Variants in LRAT observed in about 807,000 individuals in gnomAD.
LRAT encodes the protein lecithin retinol acyltransferase (phosphatidylcholine--retinol O-acyltransferase).
Under a neutral mutation model 14.2 loss-of-function variants are expected in LRAT, and 11 were observed. That is an observed-to-expected ratio of 0.78 (90% CI 0.49 to 1.29). The LOEUF is 1.29. LRAT is among the 50% of genes most tolerant of loss of function. The pLI is 0.00. For synonymous variants in LRAT, 144 were observed against 124.8 expected (o/e 1.15, Z -1.03); for missense variants, 274 against 292.4 (o/e 0.94, Z 0.46).
intron 2 of LRAT, among the ~76,000 whole-genome samples, chr4:154,747,892 G>T (rs1732913026): frequency 6.6e-6 from 1 of 152,048 alleles, no homozygotes; most frequent in South Asian, 2.1e-4. Context: ...GTAAAAGTAT[G>T]GATAGAGATA....
rs1251855099 is a variant in LRAT at position 154,751,580 on chromosome 4, C to T, written c.*2444C>T. 1 of 151,852 alleles carries T rather than the reference C, an allele frequency of 6.6e-6. No homozygotes were observed. The highest frequency in any genetic ancestry group is 1.5e-5 in the Non-Finnish European group (1 of 68,186). 9.4% of individuals were successfully genotyped at this position (151,852 alleles called of 1,614,324 possible). On this transcript the variant is annotated 3_prime_UTR_variant, in exon 3 of 3. Transcript: ENST00000336356. Reference sequence around the variant, plus strand: ...TGAAACCCCATCTCTACTAAAAATACAAAATTAGCTGGGCGTGGTGGCCGG... The same window carrying T: ...TGAAACCCCATCTCTACTAAAAATATAAAATTAGCTGGGCGTGGTGGCCGG...
Position 154,752,933 on chromosome 4 carries a change from G to A in LRAT, c.*3797G>A, listed in dbSNP as rs188122902. Reference sequence around the variant, plus strand: ...ACTGTTAATGTCAAATATCAAAAATGTTTTCCAGCAATATCAAGTTATGGC... The same window carrying A: ...ACTGTTAATGTCAAATATCAAAAATATTTTCCAGCAATATCAAGTTATGGC... On this transcript the variant is annotated 3_prime_UTR_variant, in exon 3 of 3. Coordinates refer to ENST00000336356, the MANE Select transcript of LRAT (RefSeq NM_004744.5). 1.1e-4 allele frequency: 17 copies of A among 152,152 alleles called. No individual in the cohort carries two copies. The highest frequency in any genetic ancestry group is 2.9e-5 in the Non-Finnish European group (2 of 68,000). 9.4% of individuals were successfully genotyped at this position (152,152 alleles called of 1,614,324 possible). A position where few individuals can be genotyped will look rare whatever the true frequency, so the allele number is the denominator to read the frequency against.
At chr4:154,742,295 G>A (rs1578858285), upstream of LRAT, among the ~76,000 whole-genome samples, 2 of 152,218 alleles carry the variant, frequency 1.3e-5, no homozygotes, top group East Asian at 3.9e-4. Flanking sequence ...CTCGTTTGTG[G>A]GAGTTTTCTC....
rs1733021165 is a variant in LRAT, at chr4:154,752,646, A to T, written c.*3510A>T. On this transcript the variant is annotated 3_prime_UTR_variant, in exon 3 of 3. Transcript: ENST00000336356. Reference sequence around the variant, plus strand: ...GAAAGGTTGTTTAGGAAGAGTCAACAGACTTTAGCAAAATCCTTTTATTTG... The same window carrying T: ...GAAAGGTTGTTTAGGAAGAGTCAACTGACTTTAGCAAAATCCTTTTATTTG... 1 of 152,224 alleles carries T rather than the reference A, an allele frequency of 6.6e-6. No individual in the cohort carries two copies. Among genetic ancestry groups the T allele is most frequent in the East Asian group, 1.9e-4 (1 of 5,194 alleles). The allele number at this position is 152,224 out of a possible 1,614,324, so 9.4% of individuals were successfully genotyped here.
At position 154,750,176 on chromosome 4, in the gene LRAT, T is replaced by C. The variant is rs1055627086; in HGVS notation, c.*1040T>C. On this transcript the variant is annotated 3_prime_UTR_variant, in exon 3 of 3. Coordinates refer to ENST00000336356, the MANE Select transcript of LRAT (RefSeq NM_004744.5). ...AAATTTTTAAAAGCCTTCAGATTTG[T>C]TTTCTAGTCACTTTTTTCCATATCA... 1.3e-5 allele frequency: 2 copies of C among 152,158 alleles called. No individual in the cohort carries two copies. The highest frequency in any genetic ancestry group is 4.8e-5 in the African/African-American group (2 of 41,458). The allele number at this position is 152,158 out of a possible 1,614,324, so 9.4% of individuals were successfully genotyped here.
chr4:154,748,690 T>G (rs1021974722), intron 2 of LRAT, among the ~76,000 whole-genome samples: 39 of 152,270 alleles, frequency 2.6e-4, no homozygotes, highest in African/African-American at 9.4e-4. Flanking sequence ...GTTTGATGTT[T>G]TAAACCTTTA....
At chr4:154,742,055 G>A (rs1159616294), upstream of LRAT, among the ~76,000 whole-genome samples, 1 of 152,080 alleles carries the variant, frequency 6.6e-6, no homozygotes, top group African/African-American at 2.4e-5. Flanking sequence ...CAGAGTGTGA[G>A]GTCGGGTCTG....
chr4:154,748,872 T>C (rs114847306), intron 2 of LRAT, 112 bp from the exon 3 acceptor site: 11,880 of 1,009,322 alleles, frequency 0.012, 144 homozygotes, highest in Middle Eastern at 0.022. Flanking sequence ...AGAAAAAGTC[T>C]AGTTCTTCTG....
intron 2 of LRAT, among the ~76,000 whole-genome samples, chr4:154,745,146 G>C (rs1364291518): frequency 6.7e-6 from 1 of 149,562 alleles, no homozygotes; most frequent in Non-Finnish European, 1.5e-5. Flanking sequence ...AGCCTCCTGA[G>C]TAGCTGGGAC....
chr4:154,748,873 A>T, intron 2 of LRAT, 111 bp from the exon 3 acceptor site: 2 of 1,015,420 alleles, frequency 2.0e-6, no homozygotes, highest in Non-Finnish European at 3.0e-6. Context: ...GAAAAAGTCT[A>T]GTTCTTCTGG....
upstream of LRAT, among the ~76,000 whole-genome samples, chr4:154,743,290 A>C (rs1732804503): frequency 1.3e-5 from 2 of 151,542 alleles, no homozygotes; most frequent in Admixed American, 6.6e-5. Flanking sequence ...GTTCGAGACC[A>C]GCCTGGCCAA....
chr4:154,743,116 A>ACCCCCCCCACCCCCCCCCCCC (rs1477429382), upstream of LRAT, among the ~76,000 whole-genome samples: 1 of 13,722 alleles, frequency 7.3e-5, no homozygotes, highest in Non-Finnish European at 1.3e-4. Flanking sequence ...GCGGGTAGCG[A>ACCCCCCCCACCCCCCCCCCCC]CCCCCCCAAC....
chr4:154,741,690 A>G (rs1578857899), upstream of LRAT, among the ~76,000 whole-genome samples: 1 of 152,330 alleles, frequency 6.6e-6, no homozygotes, highest in Middle Eastern at 3.4e-3. Context: ...ATGAAACGCA[A>G]ATCAGCTTGG....
At chr4:154,743,697 G>A (rs1327347415), upstream of LRAT, among the ~76,000 whole-genome samples, 2 of 151,828 alleles carry the variant, frequency 1.3e-5, no homozygotes, top group African/African-American at 2.4e-5. Context: ...CCAGGAACTC[G>A]CCCCAGTCCC....
Position 154,744,145 on chromosome 4 carries a change from G to T in LRAT, c.-79G>T, listed in dbSNP as rs372760644. ...CCATTGTGGCTTGGCTGAGCCGGTCGCCAGGCCTCGCTGTCCTCCTTTGCC... is the reference window on the plus strand; with the variant it reads ...CCATTGTGGCTTGGCTGAGCCGGTCTCCAGGCCTCGCTGTCCTCCTTTGCC... On this transcript the variant is annotated 5_prime_UTR_variant, in exon 1 of 3. Coordinates refer to ENST00000336356, the MANE Select transcript of LRAT (RefSeq NM_004744.5). The T allele has an allele frequency of 1.7e-4, 108 of 637,474 alleles. No individual in the cohort carries two copies. In the African/African-American group the frequency reaches 1.8e-3, roughly 11 times the overall value. The allele number at this position is 637,474 out of a possible 1,614,324, so 39.5% of individuals were successfully genotyped here. A position where few individuals can be genotyped will look rare whatever the true frequency, so the allele number is the denominator to read the frequency against.
chr4:154,744,341 G>C lies in LRAT; in HGVS notation c.15G>C (p.Met5Ile). MKNP[M>I]LEVVSLLLEK... Reference sequence around the variant, plus strand: ...TTCCCTGCAGGATGAAGAACCCCATGCTGGAGGTGGTGTCTTTACTACTGG... The same window carrying C: ...TTCCCTGCAGGATGAAGAACCCCATCCTGGAGGTGGTGTCTTTACTACTGG... Residue 5 changes from methionine (M) to isoleucine (I), a missense_variant, in exon 2 of 3, where the codon ATG (methionine) becomes ATC (isoleucine). Coordinates refer to ENST00000336356, the MANE Select transcript of LRAT (RefSeq NM_004744.5). 6.2e-7 allele frequency: 1 copy of C among 1,614,142 alleles called. No homozygotes were observed. Among genetic ancestry groups the C allele is most frequent in the Non-Finnish European group, 8.5e-7 (1 of 1,180,042 alleles).
chr4:154,744,873 T>C lies in LRAT; in HGVS notation c.540+7T>C. 6.2e-7 allele frequency: 1 copy of C among 1,612,428 alleles called. No homozygotes were observed. Among genetic ancestry groups the C allele is most frequent in the South Asian group, 1.1e-5 (1 of 91,078 alleles). Reference sequence around the variant, plus strand: ...CAGTCCCCAGTCCGACAAGGTATGATGTGTGACTCCCAGGGGAAGTGGGCT... The same window carrying C: ...CAGTCCCCAGTCCGACAAGGTATGACGTGTGACTCCCAGGGGAAGTGGGCT... On this transcript the variant is annotated splice_region_variant and intron_variant, in intron 2 of 2. Transcript: ENST00000336356.
In LRAT at chr4:154,748,114, C is replaced by T. The variant is rs140210478; in HGVS notation, c.541-870C>T. 866 of 493,376 alleles carry T rather than the reference C, an allele frequency of 1.8e-3. 6 individuals are homozygous for T. Among genetic ancestry groups the T allele is most frequent in the African/African-American group, 0.017 (815 of 47,856 alleles). The allele number at this position is 493,376 out of a possible 1,614,324, so 30.6% of individuals were successfully genotyped here. A position where few individuals can be genotyped will look rare whatever the true frequency, so the allele number is the denominator to read the frequency against. On this transcript the variant is annotated intron_variant, in intron 2 of 2. Transcript: ENST00000336356. Reference sequence around the variant, plus strand: ...GACAATCACTGCATTCTGGCATCAACGGCAATATGGTAGAGATAACTGTCA... The same window carrying T: ...GACAATCACTGCATTCTGGCATCAATGGCAATATGGTAGAGATAACTGTCA...
chr4:154,743,136 C>CT (rs1307772274), upstream of LRAT, among the ~76,000 whole-genome samples: 211 of 122,174 alleles, frequency 1.7e-3, 6 homozygotes, highest in African/African-American at 5.3e-3. Flanking sequence ...CCCCCCCCCC[C>CT]CCGCCCTACA....
Sources: allele counts gnomAD v4.1 joint callset (sites outside exome capture counted in the v4.1 genomes callset), GRCh38; gene constraint gnomAD v4.1.1; transcripts MANE v1.5; gene names NCBI Gene and HGNC (gene_info 2026-07-23, HGNC 2026-07-21).